CEP170B: variants seen among roughly 807,000 people sequenced by gnomAD.
CEP170B encodes the protein centrosomal protein 170B, also known as centrosomal protein of 170 kDa protein B.
Under a neutral mutation model 120.6 loss-of-function variants are expected in CEP170B, and 55 were observed. That is an observed-to-expected ratio of 0.46 (90% CI 0.37 to 0.57). The LOEUF (loss-of-function observed/expected upper bound fraction) is 0.57, where lower values mean the gene tolerates loss of function less well. Among genes scored for constraint, CEP170B ranks in the 20% least tolerant of loss-of-function variants. The pLI, the probability that CEP170B is intolerant of heterozygous loss-of-function variation, is 0.00. For synonymous variants in CEP170B, 1,033 were observed against 954.5 expected, an observed-to-expected ratio of 1.08 and a Z score of -1.52; for missense variants, 2,212 against 2,253.3, an observed-to-expected ratio of 0.98 and a Z score of 0.37.
intron 6 of CEP170B, among the ~76,000 whole-genome samples, chr14:104,881,324 G>A (rs1245009518): frequency 6.6e-6 from 1 of 152,240 alleles, no homozygotes; most frequent in East Asian, 1.9e-4. Flanking sequence ...CCCCAGACTT[G>A]AGTTCTGGTT....
Position 104,884,193 on chromosome 14 carries a change from A to G in CEP170B, c.1414A>G (p.Thr472Ala). ...QRAGSLKREK[T>A]EERLGSPSPA... ...GGCCGGCTCGCTCAAGCGGGAGAAGACAGAGGAACGGCTGGGCAGCCCCTC... is the reference window on the plus strand; with the variant it reads ...GGCCGGCTCGCTCAAGCGGGAGAAGGCAGAGGAACGGCTGGGCAGCCCCTC... The change falls in exon 9 of 19, where the codon ACA becomes GCA. Residue 472 changes from threonine to alanine, a missense_variant. Thr to Ala is a moderately conservative substitution (Grantham distance 58, BLOSUM62 0). Transcript: ENST00000414716. 1.3e-6 allele frequency: 2 copies of G among 1,545,798 alleles called. No homozygotes were observed. Among genetic ancestry groups the G allele is most frequent in the Non-Finnish European group, 1.7e-6 (2 of 1,148,072 alleles).
Position 104,895,143 on chromosome 14 carries a change from C to G in CEP170B, c.*185C>G, listed in dbSNP as rs1897023094. 1.6e-6 allele frequency: 1 copy of G among 641,322 alleles called. No homozygotes were observed. Among genetic ancestry groups the G allele is most frequent in the Non-Finnish European group, 2.5e-6 (1 of 393,058 alleles). The allele number at this position is 641,322 out of a possible 1,614,324, so 39.7% of individuals were successfully genotyped here. ...GCTCCCAGCCAGCACCCTACTCACC[C>G]TGTCCAGCCCCATGGCCACCCCCAC... is the stretch of plus-strand genomic sequence containing the variant. On this transcript the variant is annotated 3_prime_UTR_variant, in exon 19 of 19. Coordinates refer to ENST00000414716, the MANE Select transcript of CEP170B (RefSeq NM_001112726.3).
intron 3 of CEP170B, 21 bp from the exon 4 acceptor site, chr14:104,877,864 C>A (rs769575524): frequency 6.6e-6 from 8 of 1,203,978 alleles, no homozygotes; most frequent in Admixed American, 4.6e-5. Flanking sequence ...CCCCCCCCCC[C>A]CGCCACCTGT....
In CEP170B at chr14:104,870,362, C is replaced by T. The variant is rs1321888481; in HGVS notation, c.105+1807C>T. ...TCTTAGTTCTCAAGCCATCTAAAGA[C>T]AGGCGGCAGGCCATAGGCCACGCCC... On this transcript the variant is annotated intron_variant, in intron 2 of 18. Transcript: ENST00000414716. This position sits in a 1 kb window ranked among gnomAD's most constrained non-coding sequence, Gnocchi z 4.1. Among the ~76,000 whole-genome samples, 1 of 152,232 alleles carries T rather than the reference C, an allele frequency of 6.6e-6. No individual in the cohort carries two copies. Among genetic ancestry groups the T allele is most frequent in the Non-Finnish European group, 1.5e-5 (1 of 68,040 alleles).
At position 104,896,300 on chromosome 14, in the gene CEP170B, G is replaced by T; in HGVS notation, c.*1342G>T. The stretch of plus-strand genomic sequence containing the variant: ...CGGGTTCTGTTCCTCTGAGCCTGCG[G>T]CCCACCTGATGTTTACGTGTGTGTG... On this transcript the variant is annotated 3_prime_UTR_variant, in exon 19 of 19. Coordinates refer to ENST00000414716, the MANE Select transcript of CEP170B (RefSeq NM_001112726.3). 1 of 318,432 alleles carries T rather than the reference G, an allele frequency of 3.1e-6. No individual in the cohort carries two copies. Among genetic ancestry groups the T allele is most frequent in the South Asian group, 2.5e-5 (1 of 39,746 alleles). The allele number at this position is 318,432 out of a possible 1,614,324, so 19.7% of individuals were successfully genotyped here.
chr14:104,873,208 T>C (rs1217073868), intron 2 of CEP170B, among the ~76,000 whole-genome samples: 3 of 105,228 alleles, frequency 2.9e-5, no homozygotes, highest in African/African-American at 1.1e-4. Context: ...GTCCTGGGAG[T>C]GGGCGGGGCA....
At chr14:104,894,215 G>C (rs1042127766) in intron 16 of CEP170B, 70 bp from the exon 17 acceptor site, 7 of 1,236,148 alleles carry the variant, frequency 5.7e-6, no homozygotes, top group Non-Finnish European at 6.0e-6. Flanking sequence ...GGAGGTCTGG[G>C]AGAATTGTGC....
chr14:104,885,850 A>G (rs899870731), intron 10 of CEP170B, among the ~76,000 whole-genome samples, 190 bp from the exon 11 acceptor site: 1 of 152,212 alleles, frequency 6.6e-6, no homozygotes, highest in Non-Finnish European at 1.5e-5. Context: ...CGTTGGAGCA[A>G]GTCCAGGCGA....
At position 104,887,350 on chromosome 14, in the gene CEP170B, C is replaced by T; in HGVS notation, c.3111C>T (p.Pro1037=). Residue 1037 remains proline (P), a synonymous_variant, in exon 12 of 19, where the codon CCC becomes CCT. Transcript: ENST00000414716. ...CAGCCATAAGGCGTGGCCACAGGCCCCGAGGGTCCCTGGATTGGCCCAGTG... is the reference window on the plus strand; with the variant it reads ...CAGCCATAAGGCGTGGCCACAGGCCTCGAGGGTCCCTGGATTGGCCCAGTG... ...RRSAIRRGHR[P]RGSLDWPSEE... 2 of 1,611,712 alleles carry T rather than the reference C, an allele frequency of 1.2e-6. No individual in the cohort carries two copies. The highest frequency in any genetic ancestry group is 1.7e-6 in the Non-Finnish European group (2 of 1,179,494).
At chr14:104,871,688 C>G (rs995291697) in intron 2 of CEP170B, among the ~76,000 whole-genome samples, 1 of 152,122 alleles carries the variant, frequency 6.6e-6, no homozygotes, top group Non-Finnish European at 1.5e-5. Context: ...AGACACCTGC[C>G]TATGTTGTGC....
chr14:104,882,981 G>T, intron 7 of CEP170B, 54 bp from the exon 8 acceptor site: 1 of 1,465,514 alleles, frequency 6.8e-7, no homozygotes, highest in South Asian at 1.3e-5. Context: ...GCTGAGGAGG[G>T]TGGTGGCAGG....
At chr14:104,892,688 C>T (rs1456984191) in intron 13 of CEP170B, among the ~76,000 whole-genome samples, 2 of 152,252 alleles carry the variant, frequency 1.3e-5, no homozygotes, top group African/African-American at 2.4e-5. Context: ...GTGGCCTGCC[C>T]CAGAGCCAGC....
At position 104,893,066 on chromosome 14, in the gene CEP170B, G is replaced by T; in HGVS notation, c.3969G>T (p.Glu1323Asp). 6.2e-7 allele frequency: 1 copy of T among 1,603,504 alleles called. No homozygotes were observed. The change falls in exon 14 of 19, where the codon GAG becomes GAT. Residue 1323 changes from glutamate to aspartate, a missense_variant. Physicochemically the swap from Glu to Asp is conservative, Grantham distance 45. Transcript: ENST00000414716. ...ACGGTGACACACTGGGCTCCTCGGAGCCTGCCCACAGCGCCTCCCTCAGCA... is the reference window on the plus strand; with the variant it reads ...ACGGTGACACACTGGGCTCCTCGGATCCTGCCCACAGCGCCTCCCTCAGCA... ...AGDGDTLGSS[E>D]PAHSASLSNM...
rs866051414 is a variant in CEP170B at position 104,887,717 on chromosome 14, C to T, written c.3478C>T (p.Gln1160Ter). The part of the protein sequence containing the change: ...PEPVGRPAAE[Q>*]AKKLSRLDIL... ...GCCCGTGGGCCGGCCAGCTGCTGAG[C>T]AGGCCAAGAAGCTGTCACGCCTGGA... is the stretch of plus-strand genomic sequence containing the variant. Residue 1160 changes from glutamine (Q) to a stop codon, truncating the protein, a stop_gained, in exon 12 of 19, where the codon CAG (glutamine) becomes TAG (stop). Transcript: ENST00000414716. LOFTEE classifies it high-confidence loss of function. The T allele has an allele frequency of 6.3e-7, 1 of 1,586,074 alleles. No homozygotes were observed. Among genetic ancestry groups the T allele is most frequent in the Admixed American group, 1.8e-5 (1 of 56,878 alleles).
intron 12 of CEP170B, among the ~76,000 whole-genome samples, chr14:104,888,634 C>T (rs1000636107): frequency 1.3e-5 from 2 of 152,248 alleles, no homozygotes; most frequent in African/African-American, 2.4e-5. Flanking sequence ...GGGGCCCACC[C>T]CGCCCGCCGA....
chr14:104,877,497 G>GC, intron 3 of CEP170B, among the ~76,000 whole-genome samples: 1 of 152,348 alleles, frequency 6.6e-6, no homozygotes, highest in Admixed American at 6.5e-5. Context: ...CCACCACAGG[G>GC]CAGGCCTGCC....
At chr14:104,889,522 G>T (rs1896683061) in intron 12 of CEP170B, 98 bp from the exon 13 acceptor site, 5 of 1,583,676 alleles carry the variant, frequency 3.2e-6, no homozygotes, top group Non-Finnish European at 4.3e-6. Context: ...AAGACACGAG[G>T]CGCCGGCAGC....
At position 104,886,729 on chromosome 14, in the gene CEP170B, C is replaced by T. The variant is rs755558054; in HGVS notation, c.2490C>T (p.Pro830=). The change falls in exon 12 of 19, where the codon CCC becomes CCT. Residue 830 remains proline, a synonymous_variant. Coordinates refer to ENST00000414716, the MANE Select transcript of CEP170B (RefSeq NM_001112726.3). ...TAGGGCAGACAGCCCAGCCCAGCCC[C>T]CCAGCACGGGATGGCGTCTATGTCA... is the stretch of plus-strand genomic sequence containing the variant. ...EGLGQTAQPS[P]PARDGVYVSA... is the part of the protein sequence containing the mutation. 3.1e-6 allele frequency: 5 copies of T among 1,606,142 alleles called. No individual in the cohort carries two copies. In the African/African-American group the frequency reaches 4.0e-5, roughly 13 times the overall value.
Position 104,868,126 on chromosome 14 carries a change from T to C in CEP170B, c.-27-298T>C, listed in dbSNP as rs1895284549. 6.6e-6 allele frequency among the ~76,000 whole-genome samples: 1 copy of C among 152,078 alleles called. No homozygotes were observed. Among genetic ancestry groups the C allele is most frequent in the Non-Finnish European group, 1.5e-5 (1 of 67,992 alleles). The stretch of plus-strand genomic sequence containing the variant: ...CAGTGTCCCCATGAACTTCAACCCC[T>C]GACACCTGGAAGATAGAGGAGATGA... On this transcript the variant is annotated intron_variant, in intron 1 of 18. Transcript: ENST00000414716. This position sits in a 1 kb window ranked among gnomAD's most constrained non-coding sequence, Gnocchi z 5.9.
Sources: gnomAD v4.1 joint callset for allele counts (sites outside exome capture counted in the v4.1 genomes callset) on GRCh38, gnomAD v4.1.1 for gene constraint, Gnocchi (gnomAD v3.1) non-coding constraint, MANE v1.5 for transcripts, NCBI Gene and HGNC (gene_info 2026-07-23, HGNC 2026-07-21) for gene names.